IKZF1: variants seen among roughly 807,000 people sequenced by gnomAD.
The protein encoded by IKZF1 is DNA-binding protein Ikaros.
Under a neutral mutation model 51.7 loss-of-function variants are expected in IKZF1, and 10 were observed. The observed-to-expected ratio is 0.19, with a 90% CI of 0.12 to 0.33. The LOEUF is 0.33. Ranked by LOEUF, IKZF1 falls within the 10% of genes least tolerant of loss-of-function variation. The probability of loss-of-function intolerance (pLI) is 1.00; values close to 1 mark genes in which losing one functional copy is unlikely to be tolerated. For synonymous variants in IKZF1, 280 were observed against 282.3 expected (o/e 0.99, Z 0.08); for missense variants, 484 against 707.5 (o/e 0.68, Z 3.58).
At chr7:50,326,937 C>T (rs555448892) in intron 2 of IKZF1, among the ~76,000 whole-genome samples, 1 of 152,272 alleles carries the variant, frequency 6.6e-6, no homozygotes, top group Non-Finnish European at 1.5e-5. Context: ...ATGTATAGCT[C>T]TAAGCAGAAT....
chr7:50,374,179 A>G (rs997503056), intron 3 of IKZF1, among the ~76,000 whole-genome samples: 1 of 152,356 alleles, frequency 6.6e-6, no homozygotes, highest in East Asian at 1.9e-4. Flanking sequence ...AAACACTGGC[A>G]GTACAATCAG....
Position 50,400,039 on chromosome 7 carries a change from C to T in IKZF1, c.972C>T (p.Ala324=), listed in dbSNP as rs757284598. ...ACAACGCCATCAACTACCTGGGGGC[C>T]GAGTCCCTGCGCCCGCTGGTGCAGA... ...AINNAINYLG[A]ESLRPLVQTP... is the part of the protein sequence containing the mutation. Residue 324 remains alanine, a synonymous_variant, in exon 8 of 8, where the codon GCC becomes GCT. Transcript: ENST00000331340. The surrounding 1 kb of genome is among the most constrained non-coding windows in gnomAD (Gnocchi z 5.4). 9 of 1,610,254 alleles carry T rather than the reference C, an allele frequency of 5.6e-6. No individual in the cohort carries two copies. Among genetic ancestry groups the T allele is most frequent in the Middle Eastern group, 1.6e-4 (1 of 6,080 alleles).
At position 50,399,838 on chromosome 7, in the gene IKZF1, G is replaced by A. The variant is rs1005329357; in HGVS notation, c.851-80G>A. On this transcript the variant is annotated intron_variant, in intron 7 of 7. Transcript: ENST00000331340. ...CGTGTTCCCCTTCCCCTCCCCGGTT[G>A]TAGATTTCAGCTGTTGCTGCCAGAC... 3 of 1,514,492 alleles carry A rather than the reference G, an allele frequency of 2.0e-6. No individual in the cohort carries two copies. The African/African-American group carries it at 4.2e-5, about 21-fold the overall frequency. The allele number at this position is 1,514,492 out of a possible 1,614,324, so 93.8% of individuals were successfully genotyped here.
intron 1 of IKZF1, chr7:50,318,358 A>G (rs1029302837): frequency 8.8e-6 from 2 of 228,384 alleles, no homozygotes; most frequent in Admixed American, 5.7e-5. Context: ...GCAAAACAGG[A>G]AGGCTCGGGC....
intron 1 of IKZF1, among the ~76,000 whole-genome samples, chr7:50,314,930 G>T (rs1205557923): frequency 6.6e-6 from 1 of 152,242 alleles, no homozygotes; most frequent in Non-Finnish European, 1.5e-5. Flanking sequence ...CGGTGTGGAA[G>T]GAGGAAAGGC....
intron 3 of IKZF1, among the ~76,000 whole-genome samples, chr7:50,332,872 C>T (rs1307780070): frequency 2.6e-5 from 4 of 152,112 alleles, no homozygotes; most frequent in African/African-American, 9.7e-5. Context: ...GCTTCTCTGG[C>T]TCTGTGCACT....
In IKZF1 at chr7:50,400,332, C is replaced by T. The variant is rs375321410; in HGVS notation, c.1265C>T (p.Ala422Val). The change falls in exon 8 of 8, where the codon GCG (alanine) becomes GTG (valine). Residue 422 changes from alanine (A) to valine (V), a missense_variant. By Grantham distance (64) the Ala-to-Val change is moderately conservative. This residue lies in a region of IKZF1 where 72 missense variants were observed against 67.5 expected (regional missense o/e 1.07). Coordinates refer to ENST00000331340, the MANE Select transcript of IKZF1 (RefSeq NM_006060.6). This position sits in a 1 kb window ranked among gnomAD's most constrained non-coding sequence, Gnocchi z 5.4. ...CTGACCAACCACATCGCCCCGCACGCGCGCAACGGGCTGTCGCTCAAGGAG... is the reference window on the plus strand; with the variant it reads ...CTGACCAACCACATCGCCCCGCACGTGCGCAACGGGCTGTCGCTCAAGGAG... ...IYLTNHIAPHARNGLSLKEEH... is the reference protein window; with the variant it reads ...IYLTNHIAPHVRNGLSLKEEH... 6.2e-6 allele frequency: 10 copies of T among 1,612,854 alleles called. No individual in the cohort carries two copies. The highest frequency in any genetic ancestry group is 8.5e-6 in the Non-Finnish European group (10 of 1,179,708).
At chr7:50,365,943 A>G (rs1162482870) in intron 3 of IKZF1, among the ~76,000 whole-genome samples, 4 of 152,246 alleles carry the variant, frequency 2.6e-5, no homozygotes, top group South Asian at 2.1e-4. Context: ...CTATGCAGCC[A>G]TAAGAAAAAG....
chr7:50,365,790 A>G (rs1806732923), intron 3 of IKZF1, among the ~76,000 whole-genome samples: 1 of 152,240 alleles, frequency 6.6e-6, no homozygotes, highest in Admixed American at 6.5e-5. Flanking sequence ...ACCCAAAGGA[A>G]TATGAGTCAT....
chr7:50,362,505 T>A (rs979976210), intron 3 of IKZF1, among the ~76,000 whole-genome samples: 3 of 152,226 alleles, frequency 2.0e-5, no homozygotes, highest in Non-Finnish European at 2.9e-5. Context: ...TTGTAGCTAA[T>A]CCTATGGGTC....
intron 2 of IKZF1, among the ~76,000 whole-genome samples, chr7:50,326,373 G>C (rs1795018677): frequency 6.6e-6 from 1 of 152,204 alleles, no homozygotes; most frequent in African/African-American, 2.4e-5. Context: ...TGTTTTGTTA[G>C]ACTTCTTCAG....
chr7:50,382,798 C>A, intron 5 of IKZF1, 91 bp downstream of exon 5: 1 of 1,455,408 alleles, frequency 6.9e-7, no homozygotes, highest in Non-Finnish European at 9.1e-7. Flanking sequence ...TCCTTGCTGG[C>A]TAACCCTGAG....
chr7:50,369,175 TGAACATATAAAACATTATG>T, intron 3 of IKZF1: 1 of 258,296 alleles, frequency 3.9e-6, no homozygotes, highest in Non-Finnish European at 7.4e-6. Flanking sequence ...TGAGCTTATA[TGAACATATAAAACATTATG>T]GTATTGGACA....
At chr7:50,391,513 A>G (rs1815051427) in intron 6 of IKZF1, among the ~76,000 whole-genome samples, 1 of 152,184 alleles carries the variant, frequency 6.6e-6, no homozygotes. Flanking sequence ...TGTGGTGAGC[A>G]GCTGTTGGAG....
intron 3 of IKZF1, among the ~76,000 whole-genome samples, chr7:50,334,843 G>A (rs1313319366): frequency 6.6e-6 from 1 of 150,478 alleles, no homozygotes; most frequent in East Asian, 2.0e-4. Context: ...GATATGTGGT[G>A]TGTATGTGTG....
chr7:50,368,372 C>A, intron 3 of IKZF1: 1 of 683,076 alleles, frequency 1.5e-6, no homozygotes, highest in South Asian at 1.5e-5. Flanking sequence ...CTCCTGTAAT[C>A]CTTTTTATTG....
intron 1 of IKZF1, among the ~76,000 whole-genome samples, chr7:50,309,658 A>G (rs566035652): frequency 2.6e-5 from 4 of 152,352 alleles, no homozygotes; most frequent in African/African-American, 7.2e-5. Context: ...AAAATGAACA[A>G]TGTGGTTTAG....
chr7:50,315,136 A>G (rs555259666), intron 1 of IKZF1, among the ~76,000 whole-genome samples: 2 of 152,252 alleles, frequency 1.3e-5, no homozygotes, highest in Non-Finnish European at 2.9e-5. Context: ...ATAGTTTCCA[A>G]CTGAGACTAG....
intron 1 of IKZF1, among the ~76,000 whole-genome samples, chr7:50,316,299 C>T (rs1791515921): frequency 6.6e-6 from 1 of 152,158 alleles, no homozygotes; most frequent in Non-Finnish European, 1.5e-5. Flanking sequence ...AAGCACCAGC[C>T]CCCAAGCAAC....
Sources: gnomAD v4.1 joint callset for allele counts (sites outside exome capture counted in the v4.1 genomes callset) on GRCh38, gnomAD v4.1.1 for gene constraint, gnomAD v4.1.1 regional missense constraint, Gnocchi (gnomAD v3.1) non-coding constraint, MANE v1.5 for transcripts, NCBI Gene and HGNC (gene_info 2026-07-23, HGNC 2026-07-21) for gene names.